CTXND1: variants seen among roughly 807,000 people sequenced by gnomAD.
CTXND1 encodes the protein cortexin domain-containing 1 protein.
intron 1 of CTXND1, among the ~76,000 whole-genome samples, chr15:80,246,640 T>G (rs201265262): frequency 6.6e-6 from 1 of 152,124 alleles, no homozygotes; most frequent in Non-Finnish European, 1.5e-5. Context: ...CTGTGGACTT[T>G]GGGGATTTGG....
intron 1 of CTXND1, among the ~76,000 whole-genome samples, chr15:80,237,758 C>A (rs541751266): frequency 6.6e-6 from 1 of 152,114 alleles, no homozygotes; most frequent in Non-Finnish European, 1.5e-5. Flanking sequence ...CCTGTAATCC[C>A]AGCACTTTGG....
Position 80,198,991 on chromosome 15 carries a change from G to A in CTXND1, c.*2779C>T, listed in dbSNP as rs912465177. 6.6e-6 allele frequency: 1 copy of A among 152,158 alleles called. No homozygotes were observed. The highest frequency in any genetic ancestry group is 2.4e-5 in the African/African-American group (1 of 41,418). The allele number at this position is 152,158 out of a possible 1,614,324, so 9.4% of individuals were successfully genotyped here. A position where few individuals can be genotyped will look rare whatever the true frequency, so the allele number is the denominator to read the frequency against. ...GATCATCTTTATGAAAAAAAATCTT[G>A]CATGAGGACAATGATTAGAAGGGAA... On this transcript the variant is annotated 3_prime_UTR_variant, in exon 3 of 3. Transcript: ENST00000560778.
intron 1 of CTXND1, among the ~76,000 whole-genome samples, chr15:80,227,811 C>T (rs556664829): frequency 9.9e-5 from 15 of 152,204 alleles, no homozygotes; most frequent in African/African-American, 2.2e-4. Context: ...ATCAGGGTGG[C>T]GGTTACTGAA....
At chr15:80,235,999 C>T (rs989713298) in intron 1 of CTXND1, among the ~76,000 whole-genome samples, 10 of 146,014 alleles carry the variant, frequency 6.8e-5, no homozygotes, top group African/African-American at 2.3e-4. Flanking sequence ...CTGGACTTAC[C>T]TTGTGCTGGG....
intron 1 of CTXND1, 147 bp downstream of exon 1, chr15:80,251,860 C>A (rs945369189): frequency 3.9e-5 from 6 of 152,040 alleles, no homozygotes; most frequent in African/African-American, 1.4e-4. Context: ...TCCTCGCCGC[C>A]GCGGCAGGGC....
intron 1 of CTXND1, among the ~76,000 whole-genome samples, chr15:80,208,129 C>T (rs1182038286): frequency 6.6e-6 from 1 of 151,526 alleles, no homozygotes; most frequent in East Asian, 1.9e-4. Context: ...TTTTGAAAGA[C>T]GTTCACTGCA....
rs974620513 is a variant in CTXND1, at chr15:80,200,470, T to C, written c.*1300A>G. ...GCTGCAAGGTCATAGATGTAGGTGA[T>C]GGAGTGGGAGTGGGGTGGAGGGCAG... On this transcript the variant is annotated 3_prime_UTR_variant, in exon 3 of 3. Transcript: ENST00000560778. 6.6e-6 allele frequency: 1 copy of C among 151,632 alleles called. No individual in the cohort carries two copies. The highest frequency in any genetic ancestry group is 2.4e-5 in the African/African-American group (1 of 41,064). The allele number at this position is 151,632 out of a possible 1,614,324, so 9.4% of individuals were successfully genotyped here.
intron 1 of CTXND1, among the ~76,000 whole-genome samples, chr15:80,232,535 C>A (rs1230318224): frequency 6.6e-6 from 1 of 152,152 alleles, no homozygotes; most frequent in Non-Finnish European, 1.5e-5. Context: ...TTGAGTGGAA[C>A]ACCATGCATG....
chr15:80,228,612 G>A (rs1185999360), intron 1 of CTXND1, among the ~76,000 whole-genome samples: 2 of 149,068 alleles, frequency 1.3e-5, no homozygotes, highest in East Asian at 2.0e-4. Flanking sequence ...AGATTCAAAC[G>A]CTGAAATGCT....
chr15:80,249,164 G>A (rs1485452721), intron 1 of CTXND1, among the ~76,000 whole-genome samples: 3 of 152,054 alleles, frequency 2.0e-5, no homozygotes, highest in Non-Finnish European at 4.4e-5. Flanking sequence ...TGTTGCCTAG[G>A]CTGGTCTCAA....
intron 1 of CTXND1, among the ~76,000 whole-genome samples, chr15:80,246,384 C>A (rs917591543): frequency 1.3e-5 from 2 of 152,242 alleles, no homozygotes; most frequent in African/African-American, 4.8e-5. Flanking sequence ...GGCCTCAGAT[C>A]TGGGCTTTGC....
chr15:80,251,310 A>C (rs1893694278), intron 1 of CTXND1, among the ~76,000 whole-genome samples: 1 of 152,200 alleles, frequency 6.6e-6, no homozygotes. Context: ...GGATAGGTCT[A>C]CGCCTCCACT....
chr15:80,212,145 C>A (rs532846154), intron 1 of CTXND1, among the ~76,000 whole-genome samples: 3 of 152,142 alleles, frequency 2.0e-5, no homozygotes, highest in African/African-American at 7.2e-5. Context: ...TACAGAGCAC[C>A]ACAGGATCAG....
intron 1 of CTXND1, among the ~76,000 whole-genome samples, chr15:80,223,846 A>G (rs1424806194): frequency 6.6e-6 from 1 of 151,906 alleles, no homozygotes; most frequent in Admixed American, 6.6e-5. Flanking sequence ...CAAAAAAGCA[A>G]CCATATGTGA....
rs2041445780 is a variant in CTXND1 at position 80,200,916 on chromosome 15, C to CAGT, written c.*853_*854insACT. On this transcript the variant is annotated 3_prime_UTR_variant, in exon 3 of 3. Coordinates refer to ENST00000560778, the MANE Select transcript of CTXND1 (RefSeq NM_001352888.2). ...TGACCTACCCAACCGATGGGATGCC[C>CAGT]TTCGGTCACTAAAACTGGCAGCTAA... The CAGT allele has an allele frequency of 6.6e-6, 1 of 152,132 alleles. No individual in the cohort carries two copies. The highest frequency in any genetic ancestry group is 3.2e-3 in the Middle Eastern group (1 of 316). 9.4% of individuals were successfully genotyped at this position (152,132 alleles called of 1,614,324 possible).
chr15:80,229,823 A>G (rs759927425), intron 1 of CTXND1, among the ~76,000 whole-genome samples: 4 of 152,200 alleles, frequency 2.6e-5, no homozygotes, highest in Non-Finnish European at 5.9e-5. Flanking sequence ...GAAAAAATAC[A>G]TTACATGGAG....
At chr15:80,235,363 T>A (rs1893483008) in intron 1 of CTXND1, among the ~76,000 whole-genome samples, 1 of 152,170 alleles carries the variant, frequency 6.6e-6, no homozygotes, top group South Asian at 2.1e-4. Context: ...TCAAGTGCCC[T>A]CCCAATGCAA....
intron 1 of CTXND1, among the ~76,000 whole-genome samples, chr15:80,238,849 G>C (rs1440345620): frequency 6.6e-6 from 1 of 152,196 alleles, no homozygotes; most frequent in Non-Finnish European, 1.5e-5. Context: ...ATACCGCCCA[G>C]GCCTGTAGCC....
intron 1 of CTXND1, among the ~76,000 whole-genome samples, chr15:80,209,384 C>T (rs768387088): frequency 6.6e-6 from 1 of 152,196 alleles, no homozygotes; most frequent in Non-Finnish European, 1.5e-5. Flanking sequence ...TCCCGGTGGC[C>T]AGCTCAGTGG....
Sources: gnomAD v4.1 joint callset for allele counts (sites outside exome capture counted in the v4.1 genomes callset) on GRCh38, gnomAD v4.1.1 for gene constraint, MANE v1.5 for transcripts, NCBI Gene and HGNC (gene_info 2026-07-23, HGNC 2026-07-21) for gene names.